FAIM: variants seen among roughly 807,000 people sequenced by gnomAD.
The protein encoded by FAIM is Fas apoptotic inhibitory molecule, also known as fas apoptotic inhibitory molecule 1.
FAIM carries 14 observed loss-of-function variants against 21.2 expected under a neutral mutation model. The ratio of observed to expected loss-of-function variants is 0.66; its 90% CI spans 0.44 to 1.03. The LOEUF (loss-of-function observed/expected upper bound fraction) is 1.03, where lower values mean the gene tolerates loss of function less well. Among genes scored for constraint, FAIM ranks in the 50% least tolerant of loss-of-function variants. The probability of loss-of-function intolerance (pLI) is 0.00; values close to 1 mark genes in which losing one functional copy is unlikely to be tolerated. For missense variants in FAIM, 222 were observed against 247.1 expected, an observed-to-expected ratio of 0.90 and a Z score of 0.68; for synonymous variants, 86 against 80.4, an observed-to-expected ratio of 1.07 and a Z score of -0.37.
At chr3:138,626,330 C>A (rs1051585803) in intron 4 of FAIM, among the ~76,000 whole-genome samples, 1 of 152,186 alleles carries the variant, frequency 6.6e-6, no homozygotes, top group Non-Finnish European at 1.5e-5. Flanking sequence ...TTAAAAGACA[C>A]ATTAAAAAGT....
chr3:138,613,221 T>C (rs1410308181), intron 1 of FAIM, among the ~76,000 whole-genome samples: 2 of 152,068 alleles, frequency 1.3e-5, no homozygotes, highest in Non-Finnish European at 2.9e-5. Flanking sequence ...GGTTTCACCA[T>C]GTTGGCCAGG....
intron 1 of FAIM, among the ~76,000 whole-genome samples, chr3:138,609,537 T>A (rs950415913): frequency 1.9e-3 from 12 of 6,294 alleles, no homozygotes; most frequent in South Asian, 8.2e-3. Flanking sequence ...GCTGAAACTC[T>A]CTCTCTCTCT....
At chr3:138,620,859 A>C (rs1177761133) in intron 2 of FAIM, among the ~76,000 whole-genome samples, 1 of 152,142 alleles carries the variant, frequency 6.6e-6, no homozygotes, top group East Asian at 1.9e-4. Flanking sequence ...AACATTTAAA[A>C]ATTATTTTTA....
At chr3:138,610,955 C>T (rs781237469) in intron 1 of FAIM, 3 of 1,612,978 alleles carry the variant, frequency 1.9e-6, no homozygotes, top group South Asian at 2.2e-5. Context: ...CCCATTCTAT[C>T]CTATGCTGCT....
At chr3:138,620,847 A>G (rs1560496106) in intron 2 of FAIM, among the ~76,000 whole-genome samples, 1 of 152,196 alleles carries the variant, frequency 6.6e-6, no homozygotes, top group African/African-American at 2.4e-5. Context: ...AATATTTTTC[A>G]TAACATTTAA....
chr3:138,628,788 G>A lies in FAIM; in HGVS notation c.407-319G>A, dbSNP rs547475986. On this transcript the variant is annotated intron_variant, in intron 4 of 5. Transcript: ENST00000360570. ...GTGAGCCACCGCGCCCGGCCTGTATGCATCCTTCTTTAAAGATTGTCCTTT... is the reference window on the plus strand; with the variant it reads ...GTGAGCCACCGCGCCCGGCCTGTATACATCCTTCTTTAAAGATTGTCCTTT... 2.6e-5 allele frequency among the ~76,000 whole-genome samples: 4 copies of A among 152,262 alleles called. No homozygotes were observed. In the East Asian group the frequency reaches 7.7e-4, roughly 29 times the overall value.
At position 138,612,302 on chromosome 3, in the gene FAIM, C is replaced by T. The variant is rs1174615365; in HGVS notation, c.-17+3365C>T. 3.3e-5 allele frequency among the ~76,000 whole-genome samples: 5 copies of T among 152,136 alleles called. 1 individual carries two copies. Among genetic ancestry groups the T allele is most frequent in the South Asian group, 4.1e-4 (2 of 4,826 alleles). On this transcript the variant is annotated intron_variant, in intron 1 of 5. Coordinates refer to ENST00000360570, the MANE Select transcript of FAIM (RefSeq NM_001033031.2). ...AGTTTTAGTAGAGACGGGGTTTCAC[C>T]GTGTTAGCCAGGATGGTCTCGAACT...
chr3:138,628,382 G>C (rs2042962867), intron 4 of FAIM, among the ~76,000 whole-genome samples: 1 of 152,122 alleles, frequency 6.6e-6, no homozygotes, highest in Non-Finnish European at 1.5e-5. Flanking sequence ...GAGTGTGGGA[G>C]GCAGGGGAGT....
At chr3:138,631,584 G>A (rs2043005796) in intron 5 of FAIM, among the ~76,000 whole-genome samples, 1 of 152,044 alleles carries the variant, frequency 6.6e-6, no homozygotes, top group South Asian at 2.1e-4. Flanking sequence ...GGGCAGTTTG[G>A]GCAGCCCCAT....
Position 138,621,396 on chromosome 3 carries a change from T to C in FAIM, c.45-11T>C. 1 of 1,612,874 alleles carries C rather than the reference T, an allele frequency of 6.2e-7. No individual in the cohort carries two copies. Among genetic ancestry groups the C allele is most frequent in the Non-Finnish European group, 8.5e-7 (1 of 1,179,640 alleles). The stretch of plus-strand genomic sequence containing the variant: ...TTGGCCTACTATAATTGCTTTATTT[T>C]ATTCCTTTAGCCCTCCTTACAGCCT... On this transcript the variant is annotated splice_polypyrimidine_tract_variant and intron_variant, in intron 2 of 5. Transcript: ENST00000360570.
At chr3:138,617,108 A>T (rs2042833233) in intron 1 of FAIM, among the ~76,000 whole-genome samples, 1 of 152,050 alleles carries the variant, frequency 6.6e-6, no homozygotes, top group Admixed American at 6.6e-5. Flanking sequence ...AATCTTTCTT[A>T]TAATTGGTGG....
chr3:138,609,586 TCTCTCGACTCTCTCTCTCTCTCTCTCGA>T (rs1560491030), intron 1 of FAIM, among the ~76,000 whole-genome samples: 23 of 28,270 alleles, frequency 8.1e-4, no homozygotes, highest in East Asian at 3.8e-3. Context: ...CGACTCTCTC[TCTCTCGACTCTCTCTCTCTCTCTCTCGA>T]CTCTCTCTCT....
At chr3:138,628,400 T>A (rs575352026) in intron 4 of FAIM, among the ~76,000 whole-genome samples, 196 of 152,286 alleles carry the variant, frequency 1.3e-3, no homozygotes, top group Non-Finnish European at 2.2e-3. Context: ...AGTCATCTGG[T>A]CAATATTGAA....
intron 4 of FAIM, among the ~76,000 whole-genome samples, chr3:138,627,665 G>C (rs188397355): frequency 1.2e-4 from 18 of 152,282 alleles, no homozygotes; most frequent in African/African-American, 3.9e-4. Flanking sequence ...AGCACTGTGT[G>C]CACTGATCAT....
Position 138,621,410 on chromosome 3 carries a change from T to A in FAIM, c.48T>A (p.Pro16=). Residue 16 remains proline, a synonymous_variant, in exon 3 of 6, where the codon CCT becomes CCA. Transcript: ENST00000360570. ...DSPIFEDDES[P]PYSLEKMTDL... ...TTGCTTTATTTTATTCCTTTAGCCCTCCTTACAGCCTAGAAAAAATGACAG... is the reference window on the plus strand; with the variant it reads ...TTGCTTTATTTTATTCCTTTAGCCCACCTTACAGCCTAGAAAAAATGACAG... 1 of 1,613,854 alleles carries A rather than the reference T, an allele frequency of 6.2e-7. No homozygotes were observed. The highest frequency in any genetic ancestry group is 8.5e-7 in the Non-Finnish European group (1 of 1,179,898).
chr3:138,614,249 G>A (rs774288301), intron 1 of FAIM, among the ~76,000 whole-genome samples: 1 of 152,126 alleles, frequency 6.6e-6, no homozygotes, highest in Non-Finnish European at 1.5e-5. Flanking sequence ...AGACCAGCTG[G>A]GGCAACATGG....
intron 2 of FAIM, 24 bp from the exon 3 acceptor site, chr3:138,621,383 A>G (rs775291465): frequency 6.3e-5 from 101 of 1,610,878 alleles, no homozygotes; most frequent in Middle Eastern, 3.3e-4. Flanking sequence ...GGCCTACTAT[A>G]ATTGCTTTAT....
intron 4 of FAIM, among the ~76,000 whole-genome samples, 194 bp from the exon 5 acceptor site, chr3:138,628,913 A>G (rs913917926): frequency 2.0e-5 from 3 of 152,242 alleles, no homozygotes; most frequent in Admixed American, 1.3e-4. Flanking sequence ...TGAACAAAGA[A>G]CAAACACAGC....
At chr3:138,610,298 GGTTGCTA>G (rs1420087909) in intron 1 of FAIM, among the ~76,000 whole-genome samples, 1 of 152,154 alleles carries the variant, frequency 6.6e-6, no homozygotes, top group Non-Finnish European at 1.5e-5. Context: ...TTAGGTGTTG[GGTTGCTA>G]GGGAAGGGAT....
Sources: allele counts gnomAD v4.1 joint callset (sites outside exome capture counted in the v4.1 genomes callset), GRCh38; gene constraint gnomAD v4.1.1; transcripts MANE v1.5; gene names NCBI Gene and HGNC (gene_info 2026-07-23, HGNC 2026-07-21).